Variants in SLC14A2 observed in about 807,000 individuals in gnomAD.
The protein encoded by SLC14A2 is solute carrier family 14 member 2.
SLC14A2 carries 91 observed loss-of-function variants against 104.6 expected under a neutral mutation model. The ratio of observed to expected loss-of-function variants is 0.87; its 90% CI spans 0.73 to 1.04. The LOEUF (loss-of-function observed/expected upper bound fraction) is 1.04. SLC14A2 is among the 50% of genes least tolerant of loss of function. SLC14A2 has a pLI of 0.00. For synonymous variants in SLC14A2, 476 were observed against 466.4 expected (o/e 1.02, Z -0.27); for missense variants, 1,189 against 1,156.0 (o/e 1.03, Z -0.41).
At chr18:45,554,708 T>C (rs959271918) in intron 2 of SLC14A2, among the ~76,000 whole-genome samples, 1 of 151,988 alleles carries the variant, frequency 6.6e-6, no homozygotes, top group Admixed American at 6.6e-5. Context: ...ATGGTGGGGA[T>C]AAAACGACAA....
At chr18:45,282,061 T>C (rs2084768000) in intron 1 of SLC14A2, among the ~76,000 whole-genome samples, 1 of 152,130 alleles carries the variant, frequency 6.6e-6, no homozygotes, top group Non-Finnish European at 1.5e-5. Flanking sequence ...TTGGTGTAGC[T>C]CACTTCCCTG....
At chr18:45,262,902 A>G (rs2144102782) in intron 1 of SLC14A2, among the ~76,000 whole-genome samples, 1 of 152,330 alleles carries the variant, frequency 6.6e-6, no homozygotes, top group Admixed American at 6.5e-5. Flanking sequence ...GGACTTACAG[A>G]AAAGCTGGAA....
At position 45,643,313 on chromosome 18, in the gene SLC14A2, A is replaced by G. The variant is rs543766222; in HGVS notation, c.1176+132A>G. 2.9e-4 allele frequency: 229 copies of G among 781,626 alleles called. 1 individual carries two copies. The highest frequency in any genetic ancestry group is 1.1e-3 in the Admixed American group (57 of 51,094). 48.4% of individuals were successfully genotyped at this position (781,626 alleles called of 1,614,324 possible). Reference sequence around the variant, plus strand: ...CTGGTGCTCACACGACATCTCTGTTAAGGTTTATCTAAGGTTGTCCGGAGG... The same window carrying G: ...CTGGTGCTCACACGACATCTCTGTTGAGGTTTATCTAAGGTTGTCCGGAGG... On this transcript the variant is annotated intron_variant, in intron 9 of 19. Transcript: ENST00000255226.
chr18:45,573,348 T>A (rs557806694), intron 2 of SLC14A2, among the ~76,000 whole-genome samples: 2 of 152,242 alleles, frequency 1.3e-5, no homozygotes, highest in Admixed American at 6.5e-5. Flanking sequence ...AAACAGGGAT[T>A]CCAGCCCCAC....
intron 1 of SLC14A2, among the ~76,000 whole-genome samples, chr18:45,383,348 C>T (rs2085858682): frequency 6.6e-6 from 1 of 152,160 alleles, no homozygotes; most frequent in Non-Finnish European, 1.5e-5. Flanking sequence ...AACTTAGTGA[C>T]CCTATGGAAT....
intron 1 of SLC14A2, among the ~76,000 whole-genome samples, chr18:45,428,890 G>A (rs1225820236): frequency 6.6e-6 from 1 of 152,212 alleles, no homozygotes; most frequent in African/African-American, 2.4e-5. Context: ...ATTGGTTCTA[G>A]ATTTCTGGGA....
intron 2 of SLC14A2, among the ~76,000 whole-genome samples, chr18:45,549,666 G>A (rs1388175891): frequency 1.3e-5 from 2 of 152,214 alleles, no homozygotes; most frequent in South Asian, 4.1e-4. Context: ...GGAGACCAAG[G>A]GACCTAGTGA....
intron 3 of SLC14A2, 146 bp from the exon 4 acceptor site, chr18:45,626,812 A>ACCCCCC: frequency 6.2e-5 from 7 of 112,128 alleles, no homozygotes; most frequent in South Asian, 3.3e-4. Context: ...CTCTACCCCC[A>ACCCCCC]CCCCTCCACC....
Position 45,683,373 on chromosome 18 carries a change from C to A in SLC14A2, c.*854C>A, listed in dbSNP as rs1182759593. ...CAGAAGTGTTGATTATTCTCTCTCT[C>A]CTATAATCTGATGAAATCAGCATGA... On this transcript the variant is annotated 3_prime_UTR_variant, in exon 20 of 20. Coordinates refer to ENST00000255226, the MANE Select transcript of SLC14A2 (RefSeq NM_007163.4). 1 of 152,210 alleles carries A rather than the reference C, an allele frequency of 6.6e-6. No homozygotes were observed. Among genetic ancestry groups the A allele is most frequent in the Non-Finnish European group, 1.5e-5 (1 of 68,052 alleles). The allele number at this position is 152,210 out of a possible 1,614,324, so 9.4% of individuals were successfully genotyped here. A position where few individuals can be genotyped will look rare whatever the true frequency, so the allele number is the denominator to read the frequency against.
chr18:45,334,276 A>G (rs959912724), intron 1 of SLC14A2, among the ~76,000 whole-genome samples: 1 of 152,178 alleles, frequency 6.6e-6, no homozygotes, highest in Non-Finnish European at 1.5e-5. Context: ...ATTGAATGAG[A>G]ATTTCCTGTT....
chr18:45,416,709 T>C (rs1446240411), intron 1 of SLC14A2, among the ~76,000 whole-genome samples: 1 of 152,188 alleles, frequency 6.6e-6, no homozygotes, highest in African/African-American at 2.4e-5. Context: ...ATAAGTAAAA[T>C]GGGTATTTAA....
chr18:45,382,126 A>G, intron 1 of SLC14A2, among the ~76,000 whole-genome samples: 2 of 152,150 alleles, frequency 1.3e-5, no homozygotes, highest in East Asian at 3.9e-4. Context: ...CTCATAGACA[A>G]GGGATGGATT....
At chr18:45,190,970 A>G in the SLC14A2 span, among the ~76,000 whole-genome samples, 1 of 152,062 alleles carries the variant, frequency 6.6e-6, no homozygotes, top group Non-Finnish European at 1.5e-5. Flanking sequence ...CAGGTAGGGC[A>G]TTTTGGCTGT....
intron 1 of SLC14A2, among the ~76,000 whole-genome samples, chr18:45,321,280 A>G (rs1453398205): frequency 6.6e-6 from 1 of 152,258 alleles, no homozygotes; most frequent in Non-Finnish European, 1.5e-5. Flanking sequence ...CTCAACAACC[A>G]CAACAAGGGG....
intron 2 of SLC14A2, among the ~76,000 whole-genome samples, chr18:45,608,788 G>C (rs1235525694): frequency 1.3e-5 from 2 of 152,188 alleles, no homozygotes; most frequent in Admixed American, 1.3e-4. Flanking sequence ...GCTTCTTTGG[G>C]AAGTAGCTTC....
intron 1 of SLC14A2, among the ~76,000 whole-genome samples, chr18:45,359,099 T>C (rs2085584888): frequency 6.6e-6 from 1 of 152,202 alleles, no homozygotes; most frequent in African/African-American, 2.4e-5. Flanking sequence ...TTTTACAGTC[T>C]CTGAAGTATA....
At chr18:45,331,429 C>T (rs556105851) in intron 1 of SLC14A2, among the ~76,000 whole-genome samples, 25 of 152,242 alleles carry the variant, frequency 1.6e-4, no homozygotes, top group African/African-American at 4.8e-4. Context: ...TGGTGGCTCA[C>T]GCCTGTAATC....
At chr18:45,540,554 C>A (rs1009189619) in intron 2 of SLC14A2, among the ~76,000 whole-genome samples, 1 of 152,020 alleles carries the variant, frequency 6.6e-6, no homozygotes, top group Admixed American at 6.6e-5. Flanking sequence ...ACCGACCTGG[C>A]CAACATTGTG....
At chr18:45,681,799 T>C (rs1035628698) in intron 19 of SLC14A2, among the ~76,000 whole-genome samples, 1 of 152,216 alleles carries the variant, frequency 6.6e-6, no homozygotes, top group African/African-American at 2.4e-5. Context: ...GTTCAACTAT[T>C]CAAGAGAGGG....
Sources: allele counts gnomAD v4.1 joint callset (sites outside exome capture counted in the v4.1 genomes callset), GRCh38; gene constraint gnomAD v4.1.1; transcripts MANE v1.5; gene names NCBI Gene and HGNC (gene_info 2026-07-23, HGNC 2026-07-21).